Variants in TTC7B observed in about 807,000 individuals in gnomAD.
TTC7B encodes the protein tetratricopeptide repeat domain 7B.
TTC7B carries 28 observed loss-of-function variants against 106.8 expected under a neutral mutation model. The ratio of observed to expected loss-of-function variants is 0.26; its 90% CI spans 0.19 to 0.36. TTC7B has a LOEUF of 0.36. Ranked by LOEUF, TTC7B falls within the 10% of genes least tolerant of loss-of-function variation. TTC7B has a pLI of 1.00. For missense variants in TTC7B, 862 were observed against 1,076.4 expected (o/e 0.80, Z 2.79); for synonymous variants, 405 against 430.6 (o/e 0.94, Z 0.74).
chr14:90,697,234 T>C (rs1887790185), intron 5 of TTC7B: 1 of 149,436 alleles, frequency 6.7e-6, no homozygotes, highest in Non-Finnish European at 1.5e-5. Context: ...AGCCTACAAA[T>C]AGGAACTGGT....
At position 90,529,536 on chromosome 14, in the gene TTC7B, G is replaced by A. The variant is rs1014574447; in HGVS notation, c.*11832C>T. 6.6e-6 allele frequency: 1 copy of A among 152,214 alleles called. No homozygotes were observed. Among genetic ancestry groups the A allele is most frequent in the Non-Finnish European group, 1.5e-5 (1 of 68,050 alleles). 9.4% of individuals were successfully genotyped at this position (152,214 alleles called of 1,614,324 possible). On this transcript the variant is annotated 3_prime_UTR_variant, in exon 20 of 20. Coordinates refer to ENST00000328459, the MANE Select transcript of TTC7B (RefSeq NM_001010854.2). ...ATGCTAGGAGAAAACATGAGCATGT[G>A]AGTGGCTAAGAGTATGGATTCTGGA...
chr14:90,607,262 G>T (rs1020235338), intron 17 of TTC7B, among the ~76,000 whole-genome samples: 1 of 152,250 alleles, frequency 6.6e-6, no homozygotes, highest in Non-Finnish European at 1.5e-5. Context: ...TGCACAGCGG[G>T]TGATCCTGGG....
At chr14:90,778,131 C>T (rs2140033130) in intron 3 of TTC7B, among the ~76,000 whole-genome samples, 1 of 152,242 alleles carries the variant, frequency 6.6e-6, no homozygotes, top group Non-Finnish European at 1.5e-5. Context: ...GGCCTGGAGC[C>T]CCCAGGCTGC....
chr14:90,813,103 C>T (rs1045853878), intron 1 of TTC7B, among the ~76,000 whole-genome samples: 4 of 152,208 alleles, frequency 2.6e-5, no homozygotes, highest in Non-Finnish European at 5.9e-5. Flanking sequence ...CATGAAGTTC[C>T]CTCCCTAGAA....
At chr14:90,804,885 C>A (rs2030511901) in intron 1 of TTC7B, among the ~76,000 whole-genome samples, 1 of 152,206 alleles carries the variant, frequency 6.6e-6, no homozygotes, top group Admixed American at 6.5e-5. Context: ...GAGATGAGGA[C>A]CACAGAGGGG....
At chr14:90,554,616 G>T (rs1053503038) in intron 19 of TTC7B, among the ~76,000 whole-genome samples, 4 of 152,216 alleles carry the variant, frequency 2.6e-5, no homozygotes, top group Admixed American at 1.3e-4. Context: ...CAAGGCTCGG[G>T]ACTGGAGGGG....
chr14:90,546,631 C>G (rs1052594998), intron 19 of TTC7B, among the ~76,000 whole-genome samples: 2 of 152,232 alleles, frequency 1.3e-5, no homozygotes, highest in African/African-American at 4.8e-5. Flanking sequence ...ACCAGCAGCG[C>G]TGCCCAGCAG....
chr14:90,531,607 G>A lies in TTC7B; in HGVS notation c.*9761C>T, dbSNP rs914868102. The A allele has an allele frequency of 1.1e-4, 12 of 112,202 alleles. No individual in the cohort carries two copies. Among genetic ancestry groups the A allele is most frequent in the Admixed American group, 5.1e-4 (4 of 7,920 alleles). 7.0% of individuals were successfully genotyped at this position (112,202 alleles called of 1,614,324 possible). On this transcript the variant is annotated 3_prime_UTR_variant, in exon 20 of 20. Coordinates refer to ENST00000328459, the MANE Select transcript of TTC7B (RefSeq NM_001010854.2). ...GCGCTCCAGCCTGGACAACAAGAGC[G>A]AAACTCCTTCTCAAAAAAAAAAAAA...
chr14:90,709,357 T>TA (rs1476393767), intron 5 of TTC7B, among the ~76,000 whole-genome samples: 1 of 150,902 alleles, frequency 6.6e-6, no homozygotes, highest in Non-Finnish European at 1.5e-5. Context: ...TATGCAGCCA[T>TA]AAAAAATGAT....
Position 90,703,974 on chromosome 14 carries a change from G to A in TTC7B, c.699-8396C>T, listed in dbSNP as rs531760299. 9.9e-5 allele frequency among the ~76,000 whole-genome samples: 15 copies of A among 152,196 alleles called. 1 individual carries two copies. The highest frequency in any genetic ancestry group is 1.3e-4 in the Non-Finnish European group (9 of 68,040). On this transcript the variant is annotated intron_variant, in intron 5 of 19. Transcript: ENST00000328459. ...GCTCATGAGAAGAAGGACTGGAAGT[G>A]AGCATGGAATGTGAGCCATCTGGGA... is the stretch of plus-strand genomic sequence containing the variant.
At chr14:90,787,538 A>G (rs1343741540) in intron 1 of TTC7B, among the ~76,000 whole-genome samples, 3 of 152,194 alleles carry the variant, frequency 2.0e-5, no homozygotes. Flanking sequence ...CTTTGTCTTT[A>G]ACATCCTGGT....
At chr14:90,756,743 A>G (rs959975531) in intron 3 of TTC7B, among the ~76,000 whole-genome samples, 2 of 152,160 alleles carry the variant, frequency 1.3e-5, no homozygotes, top group Admixed American at 6.5e-5. Flanking sequence ...TGAGACAGAC[A>G]TGGTGTCACA....
rs1360207720 is a variant in TTC7B, at chr14:90,808,267, G to A, written c.121+7908C>T. ...TCGAGACCAGAGTGGGCAACATAGGGAAACCCGTCTCTACAGAAAAAATGA... is the reference window on the plus strand; with the variant it reads ...TCGAGACCAGAGTGGGCAACATAGGAAAACCCGTCTCTACAGAAAAAATGA... On this transcript the variant is annotated intron_variant, in intron 1 of 19. Coordinates refer to ENST00000328459, the MANE Select transcript of TTC7B (RefSeq NM_001010854.2). The surrounding 1 kb of genome is among the most constrained non-coding windows in gnomAD (Gnocchi z 4.2). Among the ~76,000 whole-genome samples the A allele has an allele frequency of 6.6e-6, 1 of 152,150 alleles. No homozygotes were observed. Among genetic ancestry groups the A allele is most frequent in the Non-Finnish European group, 1.5e-5 (1 of 68,026 alleles).
chr14:90,611,515 T>G (rs1395796327), intron 16 of TTC7B, among the ~76,000 whole-genome samples: 1 of 152,200 alleles, frequency 6.6e-6, no homozygotes, highest in African/African-American at 2.4e-5. Context: ...TTAACTTTCC[T>G]GCTGGTGTAC....
chr14:90,749,024 CT>C (rs1335060482), intron 3 of TTC7B, among the ~76,000 whole-genome samples: 2 of 152,088 alleles, frequency 1.3e-5, no homozygotes, highest in African/African-American at 4.8e-5. Flanking sequence ...TAACAGTTTG[CT>C]TTTTTCCCCC....
intron 7 of TTC7B, among the ~76,000 whole-genome samples, chr14:90,688,316 C>A (rs538325791): frequency 6.1e-4 from 93 of 152,120 alleles, no homozygotes; most frequent in African/African-American, 2.2e-3. Context: ...ATAGTGAAAC[C>A]CTGTCTCTAC....
intron 15 of TTC7B, among the ~76,000 whole-genome samples, chr14:90,638,504 T>A (rs998076607): frequency 6.6e-6 from 1 of 152,008 alleles, no homozygotes; most frequent in Non-Finnish European, 1.5e-5. Flanking sequence ...CATGAAAAAT[T>A]TTTTCAGGTA....
chr14:90,619,371 T>A (rs540434511), intron 15 of TTC7B, among the ~76,000 whole-genome samples: 43 of 152,308 alleles, frequency 2.8e-4, no homozygotes, highest in African/African-American at 9.6e-4. Flanking sequence ...ATAGGCCAAA[T>A]GCTACTTTTC....
chr14:90,792,477 T>C (rs938340058), intron 1 of TTC7B, among the ~76,000 whole-genome samples: 12 of 152,126 alleles, frequency 7.9e-5, no homozygotes, highest in African/African-American at 2.9e-4. Context: ...CTCTGGAGGC[T>C]GAGGCAGGAG....
Sources: gnomAD v4.1 joint callset for allele counts (sites outside exome capture counted in the v4.1 genomes callset) on GRCh38, gnomAD v4.1.1 for gene constraint, Gnocchi (gnomAD v3.1) non-coding constraint, MANE v1.5 for transcripts, NCBI Gene and HGNC (gene_info 2026-07-23, HGNC 2026-07-21) for gene names.